The following TBC1D1 variants were observed in gnomAD, a reference collection of about 807,000 sequenced individuals.
TBC1D1 encodes TBC1 (tre-2/USP6, BUB2, cdc16) domain family, member 1.
TBC1D1 carries 89 observed loss-of-function variants against 125.6 expected under a neutral mutation model. That is an observed-to-expected ratio of 0.71 (90% CI 0.60 to 0.85). The LOEUF (loss-of-function observed/expected upper bound fraction) is 0.85, where lower values mean the gene tolerates loss of function less well. Among genes scored for constraint, TBC1D1 ranks in the 40% least tolerant of loss-of-function variants. The pLI, the probability that TBC1D1 is intolerant of heterozygous loss-of-function variation, is 0.00. For missense variants in TBC1D1, 1,377 were observed against 1,469.2 expected (o/e 0.94, Z 1.03); for synonymous variants, 565 against 564.1 (o/e 1.00, Z -0.02).
chr4:38,021,899 G>A (rs2152436834), intron 6 of TBC1D1, among the ~76,000 whole-genome samples, 181 bp downstream of exon 6: 1 of 152,324 alleles, frequency 6.6e-6, no homozygotes, highest in African/African-American at 2.4e-5. Context: ...TGTGCCGGAT[G>A]CTGGTGATAC....
chr4:38,112,172 T>C (rs897968937), intron 15 of TBC1D1: 1 of 720,458 alleles, frequency 1.4e-6, no homozygotes, highest in African/African-American at 1.9e-5. Context: ...GTGGTGATTA[T>C]TATTATTTGG....
chr4:37,917,731 C>T (rs868064201), intron 2 of TBC1D1, among the ~76,000 whole-genome samples: 6 of 152,108 alleles, frequency 3.9e-5, no homozygotes, highest in Admixed American at 1.3e-4. Flanking sequence ...TAAAATCTTC[C>T]GAATGACAGA....
chr4:38,060,828 G>C (rs1752620638), intron 12 of TBC1D1, among the ~76,000 whole-genome samples: 1 of 152,192 alleles, frequency 6.6e-6, no homozygotes, highest in Non-Finnish European at 1.5e-5. Flanking sequence ...GGTCCGGGTG[G>C]GTTCTGAAGT....
At chr4:38,067,886 C>T (rs1754013984) in intron 12 of TBC1D1, among the ~76,000 whole-genome samples, 1 of 152,146 alleles carries the variant, frequency 6.6e-6, no homozygotes, top group East Asian at 1.9e-4. Context: ...CTCTGTCCTG[C>T]CGTTTTCACA....
intron 15 of TBC1D1, among the ~76,000 whole-genome samples, chr4:38,111,082 A>T (rs1340382803): frequency 6.6e-6 from 1 of 152,258 alleles, no homozygotes; most frequent in Admixed American, 6.5e-5. Flanking sequence ...GGTGCGCATC[A>T]TATGGGTGGT....
chr4:38,025,944 C>G (rs1457705127), intron 6 of TBC1D1, among the ~76,000 whole-genome samples: 1 of 152,136 alleles, frequency 6.6e-6, no homozygotes, highest in Non-Finnish European at 1.5e-5. Flanking sequence ...GAGTGTCAGG[C>G]GACTTGGCTC....
intron 2 of TBC1D1, among the ~76,000 whole-genome samples, chr4:37,997,196 A>G (rs1455201577): frequency 2.6e-5 from 4 of 152,266 alleles, no homozygotes; most frequent in African/African-American, 4.8e-5. Context: ...GAGACAGACC[A>G]GTGCTTAGTA....
Position 38,027,831 on chromosome 4 carries a change from G to T in TBC1D1, c.1254G>T (p.Leu418=). ...CAAAACTAGAACTGCAAAAGCACCT[G>T]ACGACATTAACCAATCAGGAGCAGG... The change falls in exon 7 of 20, where the codon CTG becomes CTT. Residue 418 remains leucine (L), a synonymous_variant. Transcript: ENST00000261439. 1.2e-6 allele frequency: 2 copies of T among 1,613,624 alleles called. No individual in the cohort carries two copies. Among genetic ancestry groups the T allele is most frequent in the Non-Finnish European group, 1.7e-6 (2 of 1,179,820 alleles).
intron 6 of TBC1D1, 76 bp from the exon 7 acceptor site, chr4:38,027,712 G>C: frequency 1.3e-6 from 1 of 781,022 alleles, no homozygotes; most frequent in Non-Finnish European, 2.2e-6. Context: ...AAGGGGATGT[G>C]TGTGGAAGAG....
intron 2 of TBC1D1, among the ~76,000 whole-genome samples, chr4:37,987,350 C>T (rs773933008): frequency 1.3e-4 from 20 of 151,582 alleles, no homozygotes; most frequent in Non-Finnish European, 2.4e-4. Flanking sequence ...GGCTAGGTAC[C>T]GTGTCCTAGC....
intron 12 of TBC1D1, among the ~76,000 whole-genome samples, chr4:38,060,090 G>A (rs543670730): frequency 2.0e-5 from 3 of 152,334 alleles, no homozygotes. Flanking sequence ...AGTCCATGGT[G>A]TATATGTACC....
In TBC1D1 at chr4:38,138,493, G is replaced by C. The variant is rs1766968433; in HGVS notation, c.*1158G>C. On this transcript the variant is annotated 3_prime_UTR_variant, in exon 20 of 20. Transcript: ENST00000261439. Reference sequence around the variant, plus strand: ...AAAGATCAGGCTGAAACTGCAGTCAGATTTATGACAGCTGACAGTTTTTCA... The same window carrying C: ...AAAGATCAGGCTGAAACTGCAGTCACATTTATGACAGCTGACAGTTTTTCA... 1 of 152,590 alleles carries C rather than the reference G, an allele frequency of 6.6e-6. No homozygotes were observed. Among genetic ancestry groups the C allele is most frequent in the South Asian group, 2.1e-4 (1 of 4,834 alleles). 9.5% of individuals were successfully genotyped at this position (152,590 alleles called of 1,614,324 possible).
chr4:38,011,624 T>A (rs909021728), intron 2 of TBC1D1, among the ~76,000 whole-genome samples: 1 of 152,196 alleles, frequency 6.6e-6, no homozygotes, highest in East Asian at 1.9e-4. Flanking sequence ...GTATTACACA[T>A]AACTTCTTGG....
At chr4:37,956,942 A>AG (rs1491229753) in intron 2 of TBC1D1, among the ~76,000 whole-genome samples, 1 of 87,970 alleles carries the variant, frequency 1.1e-5, no homozygotes, top group Non-Finnish European at 2.2e-5. Context: ...CCGTCTCAAA[A>AG]GAAAAAAAAA....
intron 1 of TBC1D1, among the ~76,000 whole-genome samples, chr4:37,894,992 G>A (rs1221342539): frequency 1.3e-5 from 2 of 152,144 alleles, no homozygotes; most frequent in Non-Finnish European, 2.9e-5. Context: ...CTTTGTGAAC[G>A]TACAGAAGAT....
intron 2 of TBC1D1, among the ~76,000 whole-genome samples, chr4:37,910,872 C>A (rs754442759): frequency 1.9e-4 from 29 of 151,998 alleles, no homozygotes; most frequent in Admixed American, 5.2e-4. Flanking sequence ...TGTTGTTACA[C>A]GTTGTATGCC....
intron 12 of TBC1D1, among the ~76,000 whole-genome samples, chr4:38,081,707 C>A (rs901412298): frequency 1.3e-5 from 2 of 152,104 alleles, no homozygotes; most frequent in African/African-American, 4.8e-5. Flanking sequence ...AAGGATTTTT[C>A]ATTTAATCCC....
At chr4:38,116,710 C>T (rs1301481755) in intron 16 of TBC1D1, among the ~76,000 whole-genome samples, 3 of 152,198 alleles carry the variant, frequency 2.0e-5, no homozygotes, top group African/African-American at 7.2e-5. Flanking sequence ...GCAAATACCA[C>T]GTGCTGCTCT....
At chr4:38,002,659 T>C (rs1006181) in intron 2 of TBC1D1, among the ~76,000 whole-genome samples, 38,532 of 152,170 alleles carry the variant, frequency 0.25, 5,010 homozygotes, top group East Asian at 0.33. Context: ...AGTAGCACAA[T>C]AGACAGTAAT....
Sources: gnomAD v4.1 joint callset for allele counts (sites outside exome capture counted in the v4.1 genomes callset) on GRCh38, gnomAD v4.1.1 for gene constraint, MANE v1.5 for transcripts, NCBI Gene and HGNC (gene_info 2026-07-23, HGNC 2026-07-21) for gene names.